GRM8: variants seen among roughly 807,000 people sequenced by gnomAD.
GRM8 encodes the protein metabotropic glutamate receptor 8.
GRM8 carries 47 observed loss-of-function variants against 87.2 expected under a neutral mutation model. That is an observed-to-expected ratio of 0.54 (90% CI 0.43 to 0.69). GRM8 has a LOEUF of 0.69. Ranked by LOEUF, GRM8 falls within the 30% of genes least tolerant of loss-of-function variation. The probability of loss-of-function intolerance (pLI) is 0.00; values close to 1 mark genes in which losing one functional copy is unlikely to be tolerated. For synonymous variants in GRM8, 396 were observed against 404.5 expected (o/e 0.98, Z 0.25); for missense variants, 1,019 against 1,139.2 (o/e 0.89, Z 1.52).
At chr7:127,173,353 G>C (rs1793926116) in intron 2 of GRM8, among the ~76,000 whole-genome samples, 1 of 152,128 alleles carries the variant, frequency 6.6e-6, no homozygotes, top group South Asian at 2.1e-4. Context: ...GACATCTAGG[G>C]AAAGTGTATT....
chr7:126,916,301 G>T (rs530204917), intron 3 of GRM8, among the ~76,000 whole-genome samples: 1 of 152,312 alleles, frequency 6.6e-6, no homozygotes, highest in African/African-American at 2.4e-5. Flanking sequence ...TAAGTCTAGT[G>T]AAGCCTGATA....
At chr7:126,661,248 C>T (rs940761346) in intron 7 of GRM8, among the ~76,000 whole-genome samples, 4 of 152,110 alleles carry the variant, frequency 2.6e-5, no homozygotes, top group Non-Finnish European at 4.4e-5. Flanking sequence ...GATTATTATG[C>T]ACTGCATGCC....
At chr7:126,630,158 G>A (rs1370352607) in intron 7 of GRM8, among the ~76,000 whole-genome samples, 1 of 150,352 alleles carries the variant, frequency 6.7e-6, no homozygotes, top group Non-Finnish European at 1.5e-5. Flanking sequence ...AGCCTCCAAA[G>A]ATTTAGAACA....
At chr7:127,216,517 C>CAAAAAA (rs58730624) in intron 2 of GRM8, among the ~76,000 whole-genome samples, 723 of 62,898 alleles carry the variant, frequency 0.011, 39 homozygotes, top group Non-Finnish European at 0.017. Context: ...GACTCCGTCT[C>CAAAAAA]AAAAAAAAAA....
chr7:126,803,443 G>T (rs924104620), intron 6 of GRM8, among the ~76,000 whole-genome samples: 1 of 152,184 alleles, frequency 6.6e-6, no homozygotes, highest in African/African-American at 2.4e-5. Context: ...TACTTATATA[G>T]AAAGGTAATG....
rs145544975 is a variant in GRM8, at chr7:126,481,752, T to C, written c.2431-35380A>G. Among the ~76,000 whole-genome samples the C allele has an allele frequency of 3.8e-3, 582 of 152,158 alleles. 4 individuals are homozygous for C. Among genetic ancestry groups the C allele is most frequent in the African/African-American group, 0.013 (557 of 41,552 alleles). On this transcript the variant is annotated intron_variant, in intron 9 of 10. Transcript: ENST00000339582. ...TAGATCTTACGACTCAAAGAGGATA[T>C]TAATGGAAAAATTGTTGAAATCTGA...
At chr7:127,003,431 G>C (rs1481275561) in intron 3 of GRM8, among the ~76,000 whole-genome samples, 1 of 151,694 alleles carries the variant, frequency 6.6e-6, no homozygotes, top group East Asian at 1.9e-4. Flanking sequence ...AATTTTACAG[G>C]TGGCATCCAG....
At chr7:126,784,724 C>G (rs764768936) in intron 6 of GRM8, among the ~76,000 whole-genome samples, 1 of 152,032 alleles carries the variant, frequency 6.6e-6, no homozygotes, top group Non-Finnish European at 1.5e-5. Flanking sequence ...CTCTATGAGG[C>G]AAGTATTATT....
rs746469289 is a variant in GRM8, at chr7:126,769,861, T to C, written c.1357+4A>G. The C allele has an allele frequency of 1.5e-5, 23 of 1,567,682 alleles. No individual in the cohort carries two copies. In the Admixed American group the frequency reaches 3.5e-4, roughly 24 times the overall value. ...TATTTAGACACACACACGTTGTAAC[T>C]TACCATTAAAATTTACAGCCCGAAT... is the stretch of plus-strand genomic sequence containing the variant. On this transcript the variant is annotated splice_donor_region_variant and intron_variant, in intron 7 of 10. Transcript: ENST00000339582.
rs1379960597 is a variant in GRM8 at position 126,533,383 on chromosome 7, G to T, written c.1999C>A (p.Leu667Met). The T allele has an allele frequency of 6.2e-7, 1 of 1,614,032 alleles. No homozygotes were observed. Among genetic ancestry groups the T allele is most frequent in the South Asian group, 1.1e-5 (1 of 91,068 alleles). ...LGMCFSYAAL[L>M]TKTNRIHRIF... The stretch of plus-strand genomic sequence containing the variant: ...CGGTGGATACGGTTTGTTTTGGTCA[G>T]AAGGGCTGCATAGCTGAAACACATG... The change falls in exon 9 of 11, where the codon CTG (leucine) becomes ATG (methionine). Residue 667 changes from leucine (L) to methionine (M), a missense_variant. Transcript: ENST00000339582.
chr7:127,078,333 C>T (rs570161439), intron 3 of GRM8, among the ~76,000 whole-genome samples: 10 of 152,184 alleles, frequency 6.6e-5, no homozygotes, highest in Admixed American at 2.0e-4. Flanking sequence ...AGACCATAGC[C>T]GCTTAGCAGC....
At chr7:126,483,866 T>C (rs1417414331) in intron 9 of GRM8, among the ~76,000 whole-genome samples, 1 of 146,378 alleles carries the variant, frequency 6.8e-6, no homozygotes, top group Non-Finnish European at 1.5e-5. Flanking sequence ...CACTAATGCA[T>C]CCCTATCCAA....
intron 3 of GRM8, among the ~76,000 whole-genome samples, chr7:126,994,824 T>A (rs1457607316): frequency 6.6e-6 from 1 of 152,158 alleles, no homozygotes; most frequent in East Asian, 1.9e-4. Context: ...GGAAACTGAC[T>A]GCCCTGAAGG....
chr7:126,575,589 G>C (rs9641799), intron 8 of GRM8, among the ~76,000 whole-genome samples: 1 of 151,550 alleles, frequency 6.6e-6, no homozygotes. Context: ...TCTGCTACTT[G>C]ACTCATGAGT....
chr7:126,543,725 G>A (rs1292041595), intron 8 of GRM8, among the ~76,000 whole-genome samples: 1 of 152,116 alleles, frequency 6.6e-6, no homozygotes, highest in Non-Finnish European at 1.5e-5. Context: ...ATATTTATGA[G>A]AGAGCTCTCT....
intron 8 of GRM8, among the ~76,000 whole-genome samples, chr7:126,557,898 CTTTAAG>C (rs1793316955): frequency 6.6e-6 from 1 of 151,974 alleles, no homozygotes. Flanking sequence ...TAAAGATGTA[CTTTAAG>C]TTTGTTTTAA....
At position 127,106,656 on chromosome 7, in the gene GRM8, A is replaced by T. The variant is rs1329820048; in HGVS notation, c.567T>A (p.Tyr189Ter). The change falls in exon 3 of 11, where the codon TAT becomes TAA. Residue 189 changes from tyrosine to a stop codon, truncating the protein, a stop_gained. Coordinates refer to ENST00000339582, the MANE Select transcript of GRM8 (RefSeq NM_000845.3). LOFTEE classifies it high-confidence loss of function. ...GCGGAACCACTCGAGAGAAAAAGTC[A>T]TACCTGGTGTTATCACTTAGCTCTG... ...TAPELSDNTR[Y>*]DFFSRVVPPD... The T allele has an allele frequency of 5.6e-6, 9 of 1,613,972 alleles. No homozygotes were observed. Among genetic ancestry groups the T allele is most frequent in the African/African-American group, 1.3e-5 (1 of 74,934 alleles).
At chr7:127,161,712 T>A (rs1213624178) in intron 2 of GRM8, among the ~76,000 whole-genome samples, 1 of 152,078 alleles carries the variant, frequency 6.6e-6, no homozygotes, top group Non-Finnish European at 1.5e-5. Context: ...CTAATTTCTA[T>A]AAGACATGAA....
intron 7 of GRM8, among the ~76,000 whole-genome samples, chr7:126,632,901 C>T (rs556971505): frequency 2.6e-5 from 4 of 151,918 alleles, no homozygotes; most frequent in African/African-American, 7.2e-5. Flanking sequence ...ATAGGAGGAG[C>T]GAGAGCATGA....
Sources: allele counts gnomAD v4.1 joint callset (sites outside exome capture counted in the v4.1 genomes callset), GRCh38; gene constraint gnomAD v4.1.1; transcripts MANE v1.5; gene names NCBI Gene and HGNC (gene_info 2026-07-23, HGNC 2026-07-21).